The following TANC1 variants were observed in gnomAD, a reference collection of about 807,000 sequenced individuals.
TANC1 encodes protein TANC1.
Under a neutral mutation model 149.7 loss-of-function variants are expected in TANC1, and 77 were observed. The observed-to-expected ratio is 0.51, with a 90% CI of 0.43 to 0.62. The LOEUF (loss-of-function observed/expected upper bound fraction) is 0.62, where lower values mean the gene tolerates loss of function less well. Among genes scored for constraint, TANC1 ranks in the 20% least tolerant of loss-of-function variants. The probability of loss-of-function intolerance (pLI) is 0.00; values close to 1 mark genes in which losing one functional copy is unlikely to be tolerated. For missense variants in TANC1, 1,985 were observed against 2,321.8 expected (o/e 0.85, Z 2.98); for synonymous variants, 854 against 925.0 (o/e 0.92, Z 1.39).
At chr2:159,038,427 G>T (rs1421619079) in intron 2 of TANC1, among the ~76,000 whole-genome samples, 1 of 152,126 alleles carries the variant, frequency 6.6e-6, no homozygotes, top group Non-Finnish European at 1.5e-5. Context: ...CCTGTCTTGT[G>T]GGAGTTTTCA....
intron 19 of TANC1, among the ~76,000 whole-genome samples, chr2:159,204,681 G>A (rs555490088): frequency 1.3e-5 from 2 of 152,170 alleles, no homozygotes; most frequent in Non-Finnish European, 2.9e-5. Flanking sequence ...CCTAATTTCT[G>A]GAAGGGGATG....
intron 3 of TANC1, among the ~76,000 whole-genome samples, chr2:159,080,416 C>T (rs1438482449): frequency 6.6e-6 from 1 of 152,122 alleles, no homozygotes. Flanking sequence ...CAGGAGAAAG[C>T]CTGGCTCCAG....
chr2:159,180,414 CT>C (rs1033343295), intron 14 of TANC1, among the ~76,000 whole-genome samples: 2 of 152,136 alleles, frequency 1.3e-5, no homozygotes, highest in African/African-American at 4.8e-5. Context: ...TAGGTTGTTA[CT>C]GGGTTGGAGG....
chr2:159,027,417 G>C (rs998889506), intron 2 of TANC1, among the ~76,000 whole-genome samples: 7 of 152,178 alleles, frequency 4.6e-5, no homozygotes, highest in African/African-American at 7.2e-5. Context: ...GACAAGGATG[G>C]CCTTTACTCT....
chr2:159,115,133 C>T (rs1259166550), intron 4 of TANC1, among the ~76,000 whole-genome samples: 2 of 151,892 alleles, frequency 1.3e-5, no homozygotes, highest in East Asian at 1.9e-4. Flanking sequence ...TGTGACCTCA[C>T]GGAGAAGAGC....
chr2:158,969,502 C>T (rs1217996473), intron 1 of TANC1, among the ~76,000 whole-genome samples: 3 of 152,210 alleles, frequency 2.0e-5, no homozygotes, highest in Non-Finnish European at 4.4e-5. Context: ...TGTGAGCCCC[C>T]TTGTTCTTGG....
In TANC1 at chr2:159,230,811, C is replaced by A; in HGVS notation, c.5385C>A (p.His1795Gln). ...CSVSTLSASV[H>Q]NGAQVKELEE... ...TTTCTACCCTGAGTGCAAGTGTCCA[C>A]AATGGGGCACAAGTGAAGGAGCTAG... is the stretch of plus-strand genomic sequence containing the variant. The change falls in exon 27 of 27, where the codon CAC becomes CAA. Residue 1795 changes from histidine to glutamine, a missense_variant. Physicochemically the swap from His to Gln is conservative, Grantham distance 24. This residue lies in a region of TANC1 where 920 missense variants were observed against 994.7 expected (regional missense o/e 0.92). Coordinates refer to ENST00000263635, the MANE Select transcript of TANC1 (RefSeq NM_033394.3). The surrounding 1 kb of genome is among the most constrained non-coding windows in gnomAD (Gnocchi z 4.4). 6.2e-7 allele frequency: 1 copy of A among 1,614,196 alleles called. No individual in the cohort carries two copies. Among genetic ancestry groups the A allele is most frequent in the Non-Finnish European group, 8.5e-7 (1 of 1,180,012 alleles).
At chr2:159,165,465 C>T (rs2054493269) in intron 8 of TANC1, among the ~76,000 whole-genome samples, 1 of 152,168 alleles carries the variant, frequency 6.6e-6, no homozygotes, top group Non-Finnish European at 1.5e-5. Flanking sequence ...TGAGCAAAGG[C>T]CTATTTCATG....
intron 20 of TANC1, 124 bp from the exon 21 acceptor site, chr2:159,219,114 A>T: frequency 7.5e-7 from 1 of 1,329,932 alleles, no homozygotes; most frequent in Non-Finnish European, 1.1e-6. Context: ...CATGGTTCAC[A>T]CAACTTACAG....
chr2:159,037,015 G>A (rs1012809121), intron 2 of TANC1, among the ~76,000 whole-genome samples: 2 of 152,158 alleles, frequency 1.3e-5, no homozygotes, highest in African/African-American at 4.8e-5. Flanking sequence ...ATCCTCTCCA[G>A]CACCTGTTGT....
At chr2:159,086,240 A>G (rs2044837686) in intron 3 of TANC1, among the ~76,000 whole-genome samples, 1 of 152,028 alleles carries the variant, frequency 6.6e-6, no homozygotes, top group Admixed American at 6.5e-5. Context: ...AGAAAGTTTA[A>G]TGTTAAAGCA....
chr2:159,152,112 A>G (rs1019134794), intron 7 of TANC1, among the ~76,000 whole-genome samples: 15 of 152,152 alleles, frequency 9.9e-5, no homozygotes, highest in African/African-American at 2.7e-4. Flanking sequence ...TAGCAAATTT[A>G]TATTCTTTTC....
intron 3 of TANC1, among the ~76,000 whole-genome samples, chr2:159,096,467 T>G (rs2046148054): frequency 3.3e-5 from 5 of 152,170 alleles, no homozygotes. Flanking sequence ...AACATAAATT[T>G]AATTATCTCA....
intron 1 of TANC1, among the ~76,000 whole-genome samples, chr2:158,999,937 G>T (rs149698009): frequency 1.7e-3 from 266 of 152,260 alleles, no homozygotes; most frequent in African/African-American, 5.9e-3. Context: ...GGGGGTTCAA[G>T]GAGGAGGTAA....
chr2:159,190,526 C>CT (rs552858308), intron 16 of TANC1, among the ~76,000 whole-genome samples: 1 of 152,110 alleles, frequency 6.6e-6, no homozygotes, highest in Non-Finnish European at 1.5e-5. Context: ...TTTTAAAACA[C>CT]TTTTATTATT....
intron 4 of TANC1, among the ~76,000 whole-genome samples, 192 bp from the exon 5 acceptor site, chr2:159,136,002 T>TG (rs2050630309): frequency 3.7e-5 from 4 of 107,882 alleles, no homozygotes; most frequent in South Asian, 3.0e-4. Flanking sequence ...TACTGAAATT[T>TG]TGTGTGTGTG....
At position 159,065,166 on chromosome 2, in the gene TANC1, T is replaced by C. The variant is rs760481868; in HGVS notation, c.-15-730T>C. The stretch of plus-strand genomic sequence containing the variant: ...GTAGAGATGGTTTCATGTTTCATCT[T>C]AGACCTGGGCCATTGTGTTTTTACA... On this transcript the variant is annotated intron_variant, in intron 2 of 26. Transcript: ENST00000263635. Among the ~76,000 whole-genome samples, 10 of 152,228 alleles carry C rather than the reference T, an allele frequency of 6.6e-5. 1 individual carries two copies. Among genetic ancestry groups the C allele is most frequent in the Non-Finnish European group, 1.5e-4 (10 of 68,042 alleles).
chr2:159,207,058 A>T (rs2058656382), intron 19 of TANC1, among the ~76,000 whole-genome samples: 1 of 152,250 alleles, frequency 6.6e-6, no homozygotes, highest in African/African-American at 2.4e-5. Context: ...CATTATTTAT[A>T]GCACACACAT....
chr2:158,991,937 C>A (rs750774148), intron 1 of TANC1, among the ~76,000 whole-genome samples: 88 of 152,148 alleles, frequency 5.8e-4, no homozygotes, highest in Non-Finnish European at 1.1e-3. Context: ...TTAGAGTTTT[C>A]ACCTTTCACA....
Sources: gnomAD v4.1 joint callset for allele counts (sites outside exome capture counted in the v4.1 genomes callset) on GRCh38, gnomAD v4.1.1 for gene constraint, gnomAD v4.1.1 regional missense constraint, Gnocchi (gnomAD v3.1) non-coding constraint, MANE v1.5 for transcripts, NCBI Gene and HGNC (gene_info 2026-07-23, HGNC 2026-07-21) for gene names.